ZPBP: variants seen among roughly 807,000 people sequenced by gnomAD.
ZPBP encodes the protein zona pellucida-binding protein 1.
Under a neutral mutation model 44.8 loss-of-function variants are expected in ZPBP, and 26 were observed. The ratio of observed to expected loss-of-function variants is 0.58; its 90% confidence interval spans 0.43 to 0.81. The LOEUF is 0.81. Ranked by LOEUF, ZPBP falls within the 30% of genes least tolerant of loss-of-function variation. The pLI is 0.00. For synonymous variants in ZPBP, 174 were observed against 153.2 expected, an observed-to-expected ratio of 1.14 and a Z score of -1.00; for missense variants, 409 against 434.0, an observed-to-expected ratio of 0.94 and a Z score of 0.51.
chr7:50,056,942 T>C (rs1405160313), intron 4 of ZPBP, among the ~76,000 whole-genome samples: 1 of 152,006 alleles, frequency 6.6e-6, no homozygotes, highest in Non-Finnish European at 1.5e-5. Context: ...TCCCAGCACT[T>C]TGGGAGGCCA....
intron 2 of ZPBP, among the ~76,000 whole-genome samples, chr7:49,872,517 T>A (rs1791200936): frequency 6.6e-6 from 1 of 150,526 alleles, no homozygotes; most frequent in Admixed American, 6.6e-5. Context: ...ATCTATGGCT[T>A]ACGGGGAATG....
At chr7:49,862,786 G>T (rs769210329) in intron 2 of ZPBP, among the ~76,000 whole-genome samples, 1 of 150,584 alleles carries the variant, frequency 6.6e-6, no homozygotes, top group African/African-American at 2.5e-5. Flanking sequence ...AATTTTTGTA[G>T]GTTGAATCAC....
intron 7 of ZPBP, among the ~76,000 whole-genome samples, chr7:49,939,542 G>A (rs1395464016): frequency 6.6e-6 from 1 of 151,852 alleles, no homozygotes. Flanking sequence ...AGACAAAGAA[G>A]GATTTGTGAC....
intron 6 of ZPBP, among the ~76,000 whole-genome samples, chr7:50,008,701 A>T (rs1208448854): frequency 6.6e-6 from 1 of 152,158 alleles, no homozygotes; most frequent in Admixed American, 6.5e-5. Context: ...TACAGAAACC[A>T]GAAATAAGTC....
chr7:50,060,485 C>T (rs1323566644), intron 3 of ZPBP, among the ~76,000 whole-genome samples: 1 of 152,064 alleles, frequency 6.6e-6, no homozygotes, highest in East Asian at 1.9e-4. Context: ...GGGACATTAC[C>T]ACTGACCCTA....
At chr7:49,904,653 G>T (rs1229316666) in intron 1 of ZPBP, among the ~76,000 whole-genome samples, 1 of 151,368 alleles carries the variant, frequency 6.6e-6, no homozygotes, top group African/African-American at 2.4e-5. Context: ...TATTCAAAAA[G>T]AACTTACCTA....
intron 4 of ZPBP, among the ~76,000 whole-genome samples, chr7:50,051,764 A>T (rs6974615): frequency 0.5 from 75,288 of 151,614 alleles, 19,403 homozygotes; most frequent in East Asian, 0.67. Context: ...AACAATGAGA[A>T]CACATCAACA....
rs477954 is a variant in ZPBP, at chr7:49,862,940, C to A, written n.510-12426G>T. 4.1e-3 allele frequency among the ~76,000 whole-genome samples: 627 copies of A among 152,220 alleles called. 2 individuals are homozygous for A. Among genetic ancestry groups the A allele is most frequent in the African/African-American group, 0.014 (595 of 41,520 alleles). ...TTTACCTATACTTTTCTTGTGATGTCTCAATCTGGCTTTGGTATCAAGGTA... is the reference window on the plus strand; with the variant it reads ...TTTACCTATACTTTTCTTGTGATGTATCAATCTGGCTTTGGTATCAAGGTA... On this transcript the variant is annotated intron_variant and non_coding_transcript_variant, in intron 2 of 2. Coordinates refer to the ZPBP transcript ENST00000465922.
intron 1 of ZPBP, among the ~76,000 whole-genome samples, chr7:49,926,444 T>C (rs1299086463): frequency 1.3e-5 from 2 of 152,228 alleles, no homozygotes; most frequent in Admixed American, 6.5e-5. Flanking sequence ...AAGCCCTCAG[T>C]TTCTCATTCC....
At position 50,090,523 on chromosome 7, in the gene ZPBP, G is replaced by GTA. The variant is rs775243876; in HGVS notation, c.128-816_128-815dup. 1.1e-4 allele frequency among the ~76,000 whole-genome samples: 16 copies of GTA among 151,272 alleles called. No homozygotes were observed. The South Asian group carries it at 1.9e-3, about 18-fold the overall frequency. On this transcript the variant is annotated intron_variant, in intron 1 of 7. Coordinates refer to ENST00000046087, the MANE Select transcript of ZPBP (RefSeq NM_007009.3). The stretch of plus-strand genomic sequence containing the variant: ...AGTGTATATATATGTGTATATATGT[G>GTA]TATATATATGTGTGTATATATGTGT...
intron 3 of ZPBP, among the ~76,000 whole-genome samples, chr7:50,079,166 C>G (rs1802247376): frequency 6.6e-6 from 1 of 151,432 alleles, no homozygotes; most frequent in African/African-American, 2.4e-5. Context: ...TTGAAAGATA[C>G]AATCTACCAA....
chr7:50,023,347 G>T (rs776535610), intron 5 of ZPBP, among the ~76,000 whole-genome samples: 1 of 151,898 alleles, frequency 6.6e-6, no homozygotes, highest in Non-Finnish European at 1.5e-5. Flanking sequence ...ACAGTGTTCC[G>T]TATAATGCCA....
intron 2 of ZPBP, among the ~76,000 whole-genome samples, chr7:49,875,789 A>G (rs1467602705): frequency 6.6e-6 from 1 of 152,162 alleles, no homozygotes; most frequent in Admixed American, 6.6e-5. Flanking sequence ...GCAACCAAAA[A>G]GTAACCATTT....
rs555473681 is a variant in ZPBP, at chr7:50,066,916, G to A, written c.335-8775C>T. The stretch of plus-strand genomic sequence containing the variant: ...GGTCTTGTTGGCTAATCCACTGGTC[G>A]TCGTCGGGAGTCACTACTGCCGCTG... On this transcript the variant is annotated intron_variant, in intron 3 of 7. Coordinates refer to ENST00000046087, the MANE Select transcript of ZPBP (RefSeq NM_007009.3). Among the ~76,000 whole-genome samples the A allele has an allele frequency of 7.2e-5, 11 of 152,244 alleles. No individual in the cohort carries two copies. The East Asian group carries it at 9.6e-4, about 13-fold the overall frequency.
chr7:50,052,841 A>T (rs952236354), intron 4 of ZPBP, among the ~76,000 whole-genome samples: 2 of 152,188 alleles, frequency 1.3e-5, no homozygotes, highest in Admixed American at 1.3e-4. Context: ...TCAATCCCCT[A>T]AGATTATGTA....
intron 7 of ZPBP, among the ~76,000 whole-genome samples, chr7:49,965,459 T>G (rs1294812832): frequency 6.6e-6 from 1 of 152,010 alleles, no homozygotes; most frequent in South Asian, 2.1e-4. Flanking sequence ...CATTTAGATA[T>G]ATTAAAAAAT....
chr7:50,022,350 T>C (rs1799140537), intron 5 of ZPBP, among the ~76,000 whole-genome samples: 1 of 151,822 alleles, frequency 6.6e-6, no homozygotes, highest in East Asian at 1.9e-4. Context: ...GGATACACAA[T>C]ATATAGTAAT....
At chr7:49,897,734 T>C (rs1181929093) in intron 2 of ZPBP, among the ~76,000 whole-genome samples, 4 of 152,154 alleles carry the variant, frequency 2.6e-5, no homozygotes, top group African/African-American at 9.7e-5. Flanking sequence ...AAATGTAAAC[T>C]GTAATTGAGG....
At chr7:49,882,852 G>T (rs1399005372) in intron 2 of ZPBP, among the ~76,000 whole-genome samples, 4 of 151,334 alleles carry the variant, frequency 2.6e-5, no homozygotes, top group Non-Finnish European at 3.0e-5. Context: ...GTGTTTTTGG[G>T]TTTTTTTTGT....
Sources: gnomAD v4.1 joint callset for allele counts (sites outside exome capture counted in the v4.1 genomes callset) on GRCh38, gnomAD v4.1.1 for gene constraint, MANE v1.5 for transcripts, NCBI Gene and HGNC (gene_info 2026-07-23, HGNC 2026-07-21) for gene names.